B3GALNT1: variants seen among roughly 807,000 people sequenced by gnomAD.
B3GALNT1 encodes beta-1,3-N-acetylgalactosaminyltransferase 1 (Globoside blood group).
Under a neutral mutation model 27.3 loss-of-function variants are expected in B3GALNT1, and 17 were observed. That is an observed-to-expected ratio of 0.62 (90% CI 0.43 to 0.94). B3GALNT1 has a LOEUF of 0.94. Ranked by LOEUF, B3GALNT1 falls within the 40% of genes least tolerant of loss-of-function variation. B3GALNT1 has a pLI of 0.00. For missense variants in B3GALNT1, 347 were observed against 390.0 expected (o/e 0.89, Z 0.93); for synonymous variants, 141 against 144.0 (o/e 0.98, Z 0.15).
chr3:161,091,985 G>C (rs1725357219), intron 4 of B3GALNT1, among the ~76,000 whole-genome samples: 1 of 152,180 alleles, frequency 6.6e-6, no homozygotes, highest in Non-Finnish European at 1.5e-5. Context: ...CTTTTTAGTT[G>C]CAAGAACTGA....
At position 161,086,128 on chromosome 3, in the gene B3GALNT1, T is replaced by G; in HGVS notation, c.627A>C (p.Leu209=). The G allele has an allele frequency of 6.2e-7, 1 of 1,608,346 alleles. No individual in the cohort carries two copies. The highest frequency in any genetic ancestry group is 8.5e-7 in the Non-Finnish European group (1 of 1,177,602). ...HSEKFFTGYP[L]IDNYSYRGFY... is the part of the protein sequence containing the mutation. ...ATCCTCTATAGGAATAATTATCAAT[T>G]AGAGGATAACCTGTGAAAAACTTCT... Residue 209 remains leucine (L), a synonymous_variant, in exon 5 of 5, where the codon CTA becomes CTC. Transcript: ENST00000320474.
rs771992090 is a variant in B3GALNT1 at position 161,086,242 on chromosome 3, G to A, written c.513C>T (p.Pro171=). Reference sequence around the variant, plus strand: ...CTGTCTTCATTACGTACTTGGCATTGGGGCAAAACTCAGTTACCCACCTGA... The same window carrying A: ...CTGTCTTCATTACGTACTTGGCATTAGGGCAAAACTCAGTTACCCACCTGA... ...MAFRWVTEFC[P]NAKYVMKTDT... Residue 171 remains proline (P), a synonymous_variant, in exon 5 of 5, where the codon CCC becomes CCT. Transcript: ENST00000320474. 1 of 1,614,096 alleles carries A rather than the reference G, an allele frequency of 6.2e-7. No homozygotes were observed. Among genetic ancestry groups the A allele is most frequent in the Non-Finnish European group, 8.5e-7 (1 of 1,180,014 alleles).
intron 4 of B3GALNT1, among the ~76,000 whole-genome samples, chr3:161,099,009 T>C (rs561990980): frequency 1.3e-5 from 2 of 152,214 alleles, no homozygotes; most frequent in African/African-American, 4.8e-5. Flanking sequence ...AAAATGTGAG[T>C]AATAATAGTA....
At chr3:161,095,030 C>T (rs1727355452) in intron 4 of B3GALNT1, among the ~76,000 whole-genome samples, 2 of 152,032 alleles carry the variant, frequency 1.3e-5, no homozygotes, top group South Asian at 2.1e-4. Flanking sequence ...GGGGGTCTTG[C>T]TATGTTACCC....
chr3:161,101,282 G>A (rs1350286826), intron 3 of B3GALNT1, 49 bp from the exon 4 acceptor site: 26 of 1,141,282 alleles, frequency 2.3e-5, no homozygotes, highest in Non-Finnish European at 2.8e-5. Context: ...CAGCAAGACT[G>A]CCCTGAAAGC....
At chr3:161,103,364 G>T in intron 3 of B3GALNT1, 63 bp downstream of exon 3, 1 of 705,642 alleles carries the variant, frequency 1.4e-6, no homozygotes, top group Non-Finnish European at 2.1e-6. Context: ...CTTGTAAAGG[G>T]CATTATTATG....
intron 4 of B3GALNT1, among the ~76,000 whole-genome samples, chr3:161,100,712 C>G (rs1442672710): frequency 6.6e-6 from 1 of 152,062 alleles, no homozygotes; most frequent in Non-Finnish European, 1.5e-5. Context: ...AGCAGCAGGA[C>G]TTTAGAAGGA....
chr3:161,085,529 A>G lies in B3GALNT1; in HGVS notation c.*230T>C, dbSNP rs1721222616. 1 of 539,902 alleles carries G rather than the reference A, an allele frequency of 1.9e-6. No individual in the cohort carries two copies. The highest frequency in any genetic ancestry group is 1.9e-5 in the African/African-American group (1 of 52,662). 33.4% of individuals were successfully genotyped at this position (539,902 alleles called of 1,614,324 possible). A position where few individuals can be genotyped will look rare whatever the true frequency, so the allele number is the denominator to read the frequency against. ...ATTGTTTGGTCCTATTAATTTCTTT[A>G]GCAAAAACCTCCAATTCCTTTATAT... On this transcript the variant is annotated 3_prime_UTR_variant, in exon 5 of 5. Transcript: ENST00000320474.
intron 4 of B3GALNT1, among the ~76,000 whole-genome samples, chr3:161,095,816 C>A (rs948093983): frequency 1.3e-5 from 2 of 152,200 alleles, no homozygotes; most frequent in African/African-American, 4.8e-5. Context: ...TGTGAGGAAG[C>A]TGCTGATTAA....
At position 161,086,374 on chromosome 3, in the gene B3GALNT1, T is replaced by G; in HGVS notation, c.381A>C (p.Lys127Asn). The G allele has an allele frequency of 2.5e-6, 4 of 1,614,146 alleles. No homozygotes were observed. The highest frequency in any genetic ancestry group is 3.4e-6 in the Non-Finnish European group (4 of 1,180,030). The change falls in exon 5 of 5, where the codon AAA (lysine) becomes AAC (asparagine). Residue 127 changes from lysine (K) to asparagine (N), a missense_variant. Lys to Asn is a moderately conservative substitution (Grantham distance 94). Coordinates refer to ENST00000320474, the MANE Select transcript of B3GALNT1 (RefSeq NM_003781.4). ...CATCCTCTAAGGACAATGCCAACAT[T>G]TTGTCTTCCTTTTCAGCCTCTTGGC... Reference protein sequence around the residue: ...LLGQEAEKEDKMLALSLEDEH... With the variant: ...LLGQEAEKEDNMLALSLEDEH...
intron 4 of B3GALNT1, among the ~76,000 whole-genome samples, chr3:161,087,743 T>C (rs960496326): frequency 2.6e-5 from 4 of 152,166 alleles, no homozygotes; most frequent in African/African-American, 9.7e-5. Flanking sequence ...CGGGATTCCA[T>C]AGAGCTTTCC....
Position 161,086,683 on chromosome 3 carries a change from C to A in B3GALNT1, c.72G>T (p.Leu24=). Residue 24 remains leucine, a synonymous_variant, in exon 5 of 5, where the codon CTG becomes CTT. Transcript: ENST00000320474. The stretch of plus-strand genomic sequence containing the variant: ...TCACAAAGAAACTCAGGAGTGACAG[C>A]AGCAGGAGGCTCCATTTGAGGGATC... The part of the protein sequence containing the change: ...SLRSLKWSLL[L]LSLLSFFVMW... The A allele has an allele frequency of 1.9e-6, 3 of 1,614,180 alleles. No homozygotes were observed. Among genetic ancestry groups the A allele is most frequent in the African/African-American group, 1.3e-5 (1 of 75,044 alleles).
At chr3:161,088,362 A>G (rs1208272535) in intron 4 of B3GALNT1, among the ~76,000 whole-genome samples, 1 of 152,208 alleles carries the variant, frequency 6.6e-6, no homozygotes, top group Non-Finnish European at 1.5e-5. Flanking sequence ...CTCTCCACTT[A>G]CATTCTATGA....
At chr3:161,092,072 T>C (rs1218516554) in intron 4 of B3GALNT1, among the ~76,000 whole-genome samples, 1 of 152,176 alleles carries the variant, frequency 6.6e-6, no homozygotes, top group Non-Finnish European at 1.5e-5. Flanking sequence ...TCATAAATGA[T>C]GGAACAAACA....
In B3GALNT1 at chr3:161,085,520, A is replaced by C; in HGVS notation, c.*239T>G. ...CATGTCCAAATTGTTTGGTCCTATT[A>C]ATTTCTTTAGCAAAAACCTCCAATT... On this transcript the variant is annotated 3_prime_UTR_variant, in exon 5 of 5. Transcript: ENST00000320474. 1 of 527,156 alleles carries C rather than the reference A, an allele frequency of 1.9e-6. No homozygotes were observed. The highest frequency in any genetic ancestry group is 3.3e-5 in the Admixed American group (1 of 29,892). The allele number at this position is 527,156 out of a possible 1,614,324, so 32.7% of individuals were successfully genotyped here.
Position 161,085,676 on chromosome 3 carries a change from C to G in B3GALNT1, c.*83G>C, listed in dbSNP as rs1721274153. 6.7e-7 allele frequency: 1 copy of G among 1,484,688 alleles called. No individual in the cohort carries two copies. Among genetic ancestry groups the G allele is most frequent in the Non-Finnish European group, 9.4e-7 (1 of 1,064,196 alleles). The allele number at this position is 1,484,688 out of a possible 1,614,324, so 92.0% of individuals were successfully genotyped here. ...AGTGTAAGCCAGCACACTGACCTCC[C>G]CATGAATTTTCCACAGTACCTACTT... On this transcript the variant is annotated 3_prime_UTR_variant, in exon 5 of 5. Transcript: ENST00000320474.
At chr3:161,091,707 C>T (rs970114677) in intron 4 of B3GALNT1, among the ~76,000 whole-genome samples, 1 of 152,166 alleles carries the variant, frequency 6.6e-6, no homozygotes, top group Non-Finnish European at 1.5e-5. Context: ...AAAGTGCTTC[C>T]TTTAAGTGAA....
chr3:161,099,599 T>A (rs1730104887), intron 4 of B3GALNT1, among the ~76,000 whole-genome samples: 1 of 152,152 alleles, frequency 6.6e-6, no homozygotes, highest in Admixed American at 6.5e-5. Flanking sequence ...AGGAGTTATT[T>A]CTCAACAGAA....
chr3:161,100,431 T>A (rs919138882), intron 4 of B3GALNT1, among the ~76,000 whole-genome samples: 7 of 152,224 alleles, frequency 4.6e-5, no homozygotes, highest in Non-Finnish European at 1.0e-4. Flanking sequence ...CACCCTCAGG[T>A]ATCTTCTAAG....
Sources: gnomAD v4.1 joint callset for allele counts (sites outside exome capture counted in the v4.1 genomes callset) on GRCh38, gnomAD v4.1.1 for gene constraint, MANE v1.5 for transcripts, NCBI Gene and HGNC (gene_info 2026-07-23, HGNC 2026-07-21) for gene names.